OR51C1: variants seen among roughly 807,000 people sequenced by gnomAD.
OR51C1 encodes the protein olfactory receptor OR51C1.
the OR51C1 span, chr11:4,690,922 A>C: frequency 2.2e-6 from 1 of 455,876 alleles, no homozygotes; most frequent in Non-Finnish European, 4.4e-6. Context: ...TGAACAATGG[A>C]CAGACTGATC....
chr11:4,697,265 C>G, the OR51C1 span, among the ~76,000 whole-genome samples: 1 of 152,088 alleles, frequency 6.6e-6, no homozygotes, highest in African/African-American at 2.4e-5. Flanking sequence ...TTTCTGTGAC[C>G]CAGTTTCCTC....
the OR51C1 span, chr11:4,692,069 A>C: frequency 2.6e-6 from 1 of 386,762 alleles, no homozygotes; most frequent in Non-Finnish European, 5.1e-6. Context: ...GGCATGTTTA[A>C]ATTGTGCTAA....
chr11:4,696,082 T>C, the OR51C1 span, among the ~76,000 whole-genome samples: 5 of 152,270 alleles, frequency 3.3e-5, no homozygotes, highest in South Asian at 1.0e-3. Context: ...GAAAATACAG[T>C]GAAGCAATCA....
At chr11:4,697,428 T>C in the OR51C1 span, among the ~76,000 whole-genome samples, 1 of 152,184 alleles carries the variant, frequency 6.6e-6, no homozygotes, top group Non-Finnish European at 1.5e-5. Context: ...GATTAAACCA[T>C]TTGACTAAAA....
the OR51C1 span, chr11:4,691,366 C>T: frequency 2.2e-6 from 1 of 457,872 alleles, no homozygotes; most frequent in South Asian, 1.5e-5. Flanking sequence ...ACTGAGGATT[C>T]CATGACAGTG....
chr11:4,692,745 A>G, the OR51C1 span, among the ~76,000 whole-genome samples: 1 of 151,438 alleles, frequency 6.6e-6, no homozygotes, highest in East Asian at 2.0e-4. Flanking sequence ...GGTGGCTGAC[A>G]GTAAGTGTTG....
chr11:4,695,316 A>G, the OR51C1 span, among the ~76,000 whole-genome samples: 1 of 152,176 alleles, frequency 6.6e-6, no homozygotes, highest in Non-Finnish European at 1.5e-5. Flanking sequence ...GTTTAGTGCC[A>G]TTGGTTGCTT....
chr11:4,693,742 A>C, the OR51C1 span, among the ~76,000 whole-genome samples: 7 of 152,062 alleles, frequency 4.6e-5, no homozygotes, highest in African/African-American at 1.7e-4. Context: ...CAAACAAACA[A>C]AAAACTGTTG....
At chr11:4,694,069 T>C in the OR51C1 span, among the ~76,000 whole-genome samples, 2 of 152,370 alleles carry the variant, frequency 1.3e-5, no homozygotes, top group Admixed American at 1.3e-4. Flanking sequence ...GTCATTGTGT[T>C]GTAGGACATT....
At chr11:4,691,531 G>A in the OR51C1 span, 4 of 456,896 alleles carry the variant, frequency 8.8e-6, no homozygotes, top group African/African-American at 6.0e-5. Flanking sequence ...ATTGGTTCGT[G>A]GAGGCTGGGC....
the OR51C1 span, chr11:4,691,254 C>T: frequency 4.4e-6 from 2 of 456,976 alleles, no homozygotes; most frequent in Non-Finnish European, 8.8e-6. Context: ...CCTGATGACA[C>T]TTGCCACTCC....
the OR51C1 span, chr11:4,697,584 C>G: frequency 2.0e-5 from 3 of 152,686 alleles, no homozygotes; most frequent in African/African-American, 7.2e-5. Context: ...GGAAATTACT[C>G]CCTGTGGGTG....
chr11:4,694,837 CTG>C, the OR51C1 span, among the ~76,000 whole-genome samples: 78 of 152,024 alleles, frequency 5.1e-4, no homozygotes, highest in Middle Eastern at 0.01. Flanking sequence ...ATGAATGTGT[CTG>C]TGTGTGTCAA....
At chr11:4,697,203 G>A in the OR51C1 span, among the ~76,000 whole-genome samples, 1 of 152,120 alleles carries the variant, frequency 6.6e-6, no homozygotes, top group African/African-American at 2.4e-5. Flanking sequence ...TAATTCCAAA[G>A]CTCGTGCTCT....
At chr11:4,695,077 G>C in the OR51C1 span, among the ~76,000 whole-genome samples, 6,653 of 152,164 alleles carry the variant, frequency 0.044, 186 homozygotes, top group Middle Eastern at 0.075. Context: ...AGGTGCTGTG[G>C]GAAATGAAGC....
chr11:4,694,234 A>G, the OR51C1 span, among the ~76,000 whole-genome samples: 2 of 152,018 alleles, frequency 1.3e-5, no homozygotes, highest in Non-Finnish European at 2.9e-5. Flanking sequence ...CCAAGAGATC[A>G]TAAACAAAAC....
At chr11:4,690,934 A>G in the OR51C1 span, 1 of 455,214 alleles carries the variant, frequency 2.2e-6, no homozygotes, top group Admixed American at 2.4e-5. Context: ...AGACTGATCA[A>G]TGGAATGTAA....
At chr11:4,692,235 A>C in the OR51C1 span, 1 of 427,728 alleles carries the variant, frequency 2.3e-6, no homozygotes, top group Admixed American at 2.6e-5. Context: ...GATCATTATA[A>C]TACAAAGTAA....
chr11:4,691,093 C>T, the OR51C1 span: 76 of 456,592 alleles, frequency 1.7e-4, no homozygotes, highest in Non-Finnish European at 4.4e-5. Context: ...GAGAACATGG[C>T]AGTCAGCCCA....
Sources: gnomAD v4.1 joint callset for allele counts (sites outside exome capture counted in the v4.1 genomes callset) on GRCh38, gnomAD v4.1.1 for gene constraint, MANE v1.5 for transcripts, NCBI Gene and HGNC (gene_info 2026-07-23, HGNC 2026-07-21) for gene names.